The following RAP1GDS1 variants were observed in gnomAD, a reference collection of about 807,000 sequenced individuals.
RAP1GDS1 encodes the protein RAP1, GTP-GDP dissociation stimulator 1.
In RAP1GDS1, 35 loss-of-function variants were observed where a neutral mutation model predicts 71.1. The ratio of observed to expected loss-of-function variants is 0.49; its 90% CI spans 0.38 to 0.65. The LOEUF is 0.65. Among genes scored for constraint, RAP1GDS1 ranks in the 30% least tolerant of loss-of-function variants. RAP1GDS1 has a pLI of 0.00. For missense variants in RAP1GDS1, 663 were observed against 706.1 expected (o/e 0.94, Z 0.69); for synonymous variants, 229 against 243.1 (o/e 0.94, Z 0.54).
chr4:98,436,732 GT>G (rs1354864328), intron 13 of RAP1GDS1, among the ~76,000 whole-genome samples: 9 of 152,234 alleles, frequency 5.9e-5, no homozygotes, highest in Non-Finnish European at 7.4e-5. Flanking sequence ...GTATTAAATA[GT>G]AAGCTTAAAC....
intron 1 of RAP1GDS1, among the ~76,000 whole-genome samples, chr4:98,292,093 T>G (rs1727036829): frequency 6.6e-6 from 1 of 152,184 alleles, no homozygotes; most frequent in Non-Finnish European, 1.5e-5. Flanking sequence ...TCCAGTCATC[T>G]TCTGTTGAAC....
chr4:98,436,507 ATCTTT>A (rs1435859612), intron 13 of RAP1GDS1, among the ~76,000 whole-genome samples: 2 of 152,162 alleles, frequency 1.3e-5, no homozygotes, highest in Non-Finnish European at 2.9e-5. Flanking sequence ...CTGAGTCCTT[ATCTTT>A]TATTTGTGGA....
chr4:98,308,296 A>T (rs868719574), intron 2 of RAP1GDS1, among the ~76,000 whole-genome samples: 23 of 54,664 alleles, frequency 4.2e-4, no homozygotes, highest in South Asian at 1.6e-3. Flanking sequence ...ACACACACAC[A>T]CTATATATAT....
At chr4:98,349,676 C>T (rs1736855070) in intron 3 of RAP1GDS1, among the ~76,000 whole-genome samples, 1 of 152,160 alleles carries the variant, frequency 6.6e-6, no homozygotes, top group Non-Finnish European at 1.5e-5. Flanking sequence ...TTGAAGAGGT[C>T]ATTCACATCC....
At position 98,437,318 on chromosome 4, in the gene RAP1GDS1, A is replaced by G. The variant is rs73832303; in HGVS notation, c.1696+250A>G. Among the ~76,000 whole-genome samples the G allele has an allele frequency of 3.8e-3, 584 of 152,320 alleles. 6 individuals carry two copies. The highest frequency in any genetic ancestry group is 0.013 in the African/African-American group (559 of 41,576). ...GTATTTTCTAGCCATCCAACTGTATAATAGATAGAATTACTTTTCACTGAA... is the reference window on the plus strand; with the variant it reads ...GTATTTTCTAGCCATCCAACTGTATGATAGATAGAATTACTTTTCACTGAA... On this transcript the variant is annotated intron_variant, in intron 14 of 14. Transcript: ENST00000408927.
intron 6 of RAP1GDS1, 23 bp from the exon 7 acceptor site, chr4:98,404,454 A>G (rs1043956126): frequency 6.4e-7 from 1 of 1,558,970 alleles, no homozygotes. Flanking sequence ...ATTTGGTTTA[A>G]GTTTTTCTTT....
intron 2 of RAP1GDS1, among the ~76,000 whole-genome samples, chr4:98,329,812 G>T (rs1032086758): frequency 7.7e-5 from 10 of 130,092 alleles, no homozygotes; most frequent in Non-Finnish European, 4.9e-5. Context: ...AAAAAAAAAA[G>T]TGCCCATTAG....
intron 6 of RAP1GDS1, among the ~76,000 whole-genome samples, chr4:98,402,223 C>T (rs186001999): frequency 2.8e-4 from 42 of 152,212 alleles, no homozygotes; most frequent in African/African-American, 9.4e-4. Flanking sequence ...AGGTGTATGC[C>T]ATCACGCCCA....
At chr4:98,329,621 C>T (rs1429546180) in intron 2 of RAP1GDS1, among the ~76,000 whole-genome samples, 29 of 151,912 alleles carry the variant, frequency 1.9e-4, no homozygotes, top group South Asian at 1.0e-3. Flanking sequence ...AACCTCATCT[C>T]TACTAAAAAT....
intron 2 of RAP1GDS1, among the ~76,000 whole-genome samples, chr4:98,326,091 G>A (rs971997266): frequency 1.6e-4 from 25 of 152,012 alleles, no homozygotes; most frequent in Admixed American, 1.0e-3. Flanking sequence ...AGTTTTCTCC[G>A]ACAGTCTTGC....
intron 4 of RAP1GDS1, among the ~76,000 whole-genome samples, chr4:98,353,591 G>A (rs1202304575): frequency 2.6e-5 from 4 of 152,230 alleles, no homozygotes; most frequent in Middle Eastern, 6.8e-3. Flanking sequence ...CGTAAAGCTA[G>A]CCTCATTTAT....
At chr4:98,266,321 G>A (rs958675307) in intron 1 of RAP1GDS1, among the ~76,000 whole-genome samples, 28 of 151,856 alleles carry the variant, frequency 1.8e-4, no homozygotes, top group African/African-American at 5.6e-4. Context: ...TTATAATTTT[G>A]CATGGCATTT....
intron 2 of RAP1GDS1, among the ~76,000 whole-genome samples, chr4:98,329,249 A>C (rs558270071): frequency 6.6e-6 from 1 of 152,332 alleles, no homozygotes; most frequent in South Asian, 2.1e-4. Context: ...TTTGTTCATA[A>C]AAGTATACTT....
Position 98,308,355 on chromosome 4 carries a change from T to G in RAP1GDS1, c.112+14840T>G, listed in dbSNP as rs79101897. ...TATGCGCCAGGCATGGTGGTGTGTCTCTCTATTCCCAGCTATGTGGAAGGC... is the reference window on the plus strand; with the variant it reads ...TATGCGCCAGGCATGGTGGTGTGTCGCTCTATTCCCAGCTATGTGGAAGGC... On this transcript the variant is annotated intron_variant, in intron 2 of 14. Coordinates refer to ENST00000408927, the MANE Select transcript of RAP1GDS1 (RefSeq NM_001100427.2). 5.1e-3 allele frequency among the ~76,000 whole-genome samples: 698 copies of G among 137,546 alleles called. 7 individuals carry two copies. Among genetic ancestry groups the G allele is most frequent in the South Asian group, 0.017 (72 of 4,198 alleles). The allele number at this position is 137,546 out of a possible 152,430, so 90.2% of individuals were successfully genotyped here.
At chr4:98,333,160 G>T (rs1166186050) in intron 2 of RAP1GDS1, among the ~76,000 whole-genome samples, 4 of 151,240 alleles carry the variant, frequency 2.6e-5, no homozygotes, top group Admixed American at 1.3e-4. Context: ...TTACTTATTG[G>T]TTCCTTTTCT....
intron 11 of RAP1GDS1, among the ~76,000 whole-genome samples, chr4:98,420,760 G>A (rs561292798): frequency 3.9e-5 from 6 of 152,132 alleles, no homozygotes; most frequent in African/African-American, 1.4e-4. Flanking sequence ...GGCAGGGGGT[G>A]TTGTGTTTTG....
chr4:98,331,391 G>A (rs922249944), intron 2 of RAP1GDS1, among the ~76,000 whole-genome samples: 3 of 151,044 alleles, frequency 2.0e-5, no homozygotes, highest in African/African-American at 7.3e-5. Context: ...AGAGGGAGAG[G>A]GAGAAGGTAA....
At chr4:98,383,367 G>C (rs1428301939) in intron 5 of RAP1GDS1, among the ~76,000 whole-genome samples, 1 of 151,462 alleles carries the variant, frequency 6.6e-6, no homozygotes, top group African/African-American at 2.4e-5. Context: ...ATTAACATAT[G>C]CAGTCTAGGC....
chr4:98,333,136 C>A (rs1429835512), intron 2 of RAP1GDS1, among the ~76,000 whole-genome samples: 2 of 152,042 alleles, frequency 1.3e-5, no homozygotes, highest in African/African-American at 4.8e-5. Context: ...TAATATCTCT[C>A]TTTCCTACTT....
Sources: allele counts gnomAD v4.1 joint callset (sites outside exome capture counted in the v4.1 genomes callset), GRCh38; gene constraint gnomAD v4.1.1; transcripts MANE v1.5; gene names NCBI Gene and HGNC (gene_info 2026-07-23, HGNC 2026-07-21).